Variants in PIP4K2A observed in about 807,000 individuals in gnomAD.
PIP4K2A encodes the protein phosphatidylinositol 5-phosphate 4-kinase type-2 alpha.
In PIP4K2A, 14 loss-of-function variants were observed where a neutral mutation model predicts 42.9. The ratio of observed to expected loss-of-function variants is 0.33; its 90% CI spans 0.22 to 0.51. PIP4K2A has a LOEUF of 0.51. Among genes scored for constraint, PIP4K2A ranks in the 20% least tolerant of loss-of-function variants. The probability of loss-of-function intolerance (pLI) is 0.97; values close to 1 mark genes in which losing one functional copy is unlikely to be tolerated. For synonymous variants in PIP4K2A, 192 were observed against 192.2 expected (o/e 1.00, Z 0.01); for missense variants, 434 against 519.8 (o/e 0.83, Z 1.61).
chr10:22,604,458 T>C (rs866586426), intron 3 of PIP4K2A, among the ~76,000 whole-genome samples: 1 of 151,530 alleles, frequency 6.6e-6, no homozygotes, highest in Non-Finnish European at 1.5e-5. Flanking sequence ...AACCAGACGA[T>C]GGAGCCCCTA....
chr10:22,579,857 CGA>C (rs1837219407), intron 4 of PIP4K2A, among the ~76,000 whole-genome samples: 1 of 148,532 alleles, frequency 6.7e-6, no homozygotes, highest in East Asian at 1.9e-4. Context: ...TGCAGTGAGC[CGA>C]GAGTGTGCCA....
chr10:22,654,724 T>C (rs117851391), intron 1 of PIP4K2A, among the ~76,000 whole-genome samples: 2,419 of 152,304 alleles, frequency 0.016, 31 homozygotes, highest in Middle Eastern at 0.041. Context: ...TGTATAATTC[T>C]GGGCAGTTAA....
chr10:22,565,878 G>C (rs1836835975), intron 6 of PIP4K2A, among the ~76,000 whole-genome samples: 1 of 152,064 alleles, frequency 6.6e-6, no homozygotes, highest in Admixed American at 6.6e-5. Context: ...CGAAACTGCG[G>C]AGATGAAATA....
At position 22,609,603 on chromosome 10, in the gene PIP4K2A, G is replaced by A; in HGVS notation, c.242+17C>T. 1 of 1,385,746 alleles carries A rather than the reference G, an allele frequency of 7.2e-7. No homozygotes were observed. 85.8% of individuals were successfully genotyped at this position (1,385,746 alleles called of 1,614,324 possible). On this transcript the variant is annotated intron_variant, in intron 2 of 9. Coordinates refer to ENST00000376573, the MANE Select transcript of PIP4K2A (RefSeq NM_005028.5). The stretch of plus-strand genomic sequence containing the variant: ...AGCAGCCACGCTAGTCTTATGAAAG[G>A]TCATACTTGTACTTACTTGTTAAAA...
intron 1 of PIP4K2A, among the ~76,000 whole-genome samples, chr10:22,668,799 A>G (rs1839396848): frequency 1.3e-5 from 2 of 152,202 alleles, no homozygotes; most frequent in South Asian, 4.1e-4. Context: ...GAATTTATAT[A>G]AGAAACATGT....
chr10:22,548,017 CAACAACAAAAAACTGCAAT>C, intron 7 of PIP4K2A, among the ~76,000 whole-genome samples: 1 of 152,258 alleles, frequency 6.6e-6, no homozygotes, highest in South Asian at 2.1e-4. Context: ...AAAACAGCAA[CAACAACAAAAAACTGCAAT>C]GAAACTCCAA....
intron 1 of PIP4K2A, among the ~76,000 whole-genome samples, chr10:22,709,147 T>C (rs777324063): frequency 1.3e-5 from 2 of 152,086 alleles, no homozygotes; most frequent in African/African-American, 2.4e-5. Context: ...ATAAACACCT[T>C]AAATTTTGAG....
At chr10:22,544,688 C>A (rs937195889) in intron 7 of PIP4K2A, among the ~76,000 whole-genome samples, 1 of 152,224 alleles carries the variant, frequency 6.6e-6, no homozygotes, top group Non-Finnish European at 1.5e-5. Flanking sequence ...AAATGTGAAC[C>A]TGATCCCATC....
chr10:22,657,467 A>G (rs1839124966), intron 1 of PIP4K2A, among the ~76,000 whole-genome samples: 1 of 152,226 alleles, frequency 6.6e-6, no homozygotes, highest in African/African-American at 2.4e-5. Context: ...TGGGTCAGTA[A>G]CAAGTCTTCC....
chr10:22,646,933 AAAAAC>A (rs760225095), intron 1 of PIP4K2A, among the ~76,000 whole-genome samples: 36 of 82,476 alleles, frequency 4.4e-4, no homozygotes, highest in Middle Eastern at 5.0e-3. Context: ...AAACAAAACA[AAAAAC>A]AAAACAAAAC....
intron 5 of PIP4K2A, chr10:22,568,956 GAA>G (rs1370227945): frequency 4.4e-6 from 6 of 1,355,926 alleles, no homozygotes; most frequent in East Asian, 2.5e-5. Context: ...ACCACCTGAT[GAA>G]AAGACATCTA....
At chr10:22,584,330 AAAAGATT>A (rs1837344269) in intron 4 of PIP4K2A, among the ~76,000 whole-genome samples, 1 of 152,212 alleles carries the variant, frequency 6.6e-6, no homozygotes, top group South Asian at 2.1e-4. Context: ...TTAAAAAAAA[AAAAGATT>A]AGAACAGTTG....
At chr10:22,643,727 C>G (rs79690139) in intron 1 of PIP4K2A, among the ~76,000 whole-genome samples, 4,153 of 152,220 alleles carry the variant, frequency 0.027, 117 homozygotes, top group African/African-American at 0.072. Context: ...CAGCCCCCCT[C>G]AAGTATTTTT....
At chr10:22,624,731 G>A (rs1359753042) in intron 1 of PIP4K2A, among the ~76,000 whole-genome samples, 1 of 152,184 alleles carries the variant, frequency 6.6e-6, no homozygotes, top group Non-Finnish European at 1.5e-5. Context: ...AAGTAAAGGT[G>A]AGACTCAACA....
At chr10:22,693,542 A>G (rs1425917387) in intron 1 of PIP4K2A, among the ~76,000 whole-genome samples, 2 of 152,226 alleles carry the variant, frequency 1.3e-5, no homozygotes, top group South Asian at 2.1e-4. Flanking sequence ...GACAAAAACT[A>G]AAGATGATTT....
intron 3 of PIP4K2A, among the ~76,000 whole-genome samples, chr10:22,600,199 T>G (rs572114447): frequency 8.8e-5 from 13 of 148,214 alleles, no homozygotes; most frequent in South Asian, 8.4e-4. Flanking sequence ...GTATAATTTG[T>G]TTTTTTTTTC....
intron 1 of PIP4K2A, among the ~76,000 whole-genome samples, chr10:22,630,316 T>A (rs1838522768): frequency 6.6e-6 from 1 of 152,138 alleles, no homozygotes; most frequent in African/African-American, 2.4e-5. Context: ...CTAATTTCCA[T>A]AATGATTTAC....
At chr10:22,547,245 C>G (rs964280080) in intron 7 of PIP4K2A, among the ~76,000 whole-genome samples, 2 of 152,216 alleles carry the variant, frequency 1.3e-5, no homozygotes, top group Non-Finnish European at 2.9e-5. Flanking sequence ...TTATATCTTA[C>G]CACTTGTTAA....
intron 7 of PIP4K2A, among the ~76,000 whole-genome samples, chr10:22,547,702 TGA>T (rs1836291990): frequency 6.6e-6 from 1 of 152,148 alleles, no homozygotes; most frequent in African/African-American, 2.4e-5. Context: ...TGTGAGTCAA[TGA>T]GAGGAGAGAC....
Sources: allele counts gnomAD v4.1 joint callset (sites outside exome capture counted in the v4.1 genomes callset), GRCh38; gene constraint gnomAD v4.1.1; transcripts MANE v1.5; gene names NCBI Gene and HGNC (gene_info 2026-07-23, HGNC 2026-07-21).